DDX5: variants seen among roughly 807,000 people sequenced by gnomAD.
DDX5 encodes DEAD-box helicase 5.
Under a neutral mutation model 68.6 loss-of-function variants are expected in DDX5, and 6 were observed. That is an observed-to-expected ratio of 0.09 (90% CI 0.05 to 0.17). The LOEUF is 0.17. DDX5 is among the 10% of genes least tolerant of loss of function. The probability of loss-of-function intolerance (pLI) is 1.00; values close to 1 mark genes in which losing one functional copy is unlikely to be tolerated. For missense variants in DDX5, 499 were observed against 756.1 expected (o/e 0.66, Z 3.99); for synonymous variants, 350 against 247.0 (o/e 1.42, Z -3.91).
At chr17:64,504,651 T>C in intron 2 of DDX5, 26 bp downstream of exon 2, 2 of 1,584,024 alleles carry the variant, frequency 1.3e-6, no homozygotes, top group African/African-American at 1.4e-5. Context: ...AGTTACAGCC[T>C]GATGAAGCCA....
In DDX5 at chr17:64,499,553, A is replaced by C; in HGVS notation, c.*370T>G. 1 of 235,640 alleles carries C rather than the reference A, an allele frequency of 4.2e-6. No homozygotes were observed. Among genetic ancestry groups the C allele is most frequent in the East Asian group, 6.3e-5 (1 of 15,990 alleles). 14.6% of individuals were successfully genotyped at this position (235,640 alleles called of 1,614,324 possible). ...AAAAAAACCAAACAAAAACAAAAAA[A>C]AAACCAGACCATCTTAAGCAAAGTT... is the stretch of plus-strand genomic sequence containing the variant. On this transcript the variant is annotated 3_prime_UTR_variant, in exon 13 of 13. Coordinates refer to ENST00000225792, the MANE Select transcript of DDX5 (RefSeq NM_004396.5).
intron 1 of DDX5, chr17:64,505,242 C>T (rs2038423708): frequency 3.9e-6 from 1 of 255,216 alleles, no homozygotes; most frequent in Non-Finnish European, 7.6e-6. Context: ...GACGATGTTA[C>T]TCATATGGCC....
At position 64,499,758 on chromosome 17, in the gene DDX5, T is replaced by C. The variant is rs1314881630; in HGVS notation, c.*165A>G. 5 of 573,292 alleles carry C rather than the reference T, an allele frequency of 8.7e-6. No individual in the cohort carries two copies. Among genetic ancestry groups the C allele is most frequent in the Admixed American group, 3.7e-5 (1 of 27,012 alleles). The allele number at this position is 573,292 out of a possible 1,614,324, so 35.5% of individuals were successfully genotyped here. ...AAAAACCTAAAAATTGTTTCAGGAATGTAGAGAAATATCCAACTTAAATAG... is the reference window on the plus strand; with the variant it reads ...AAAAACCTAAAAATTGTTTCAGGAACGTAGAGAAATATCCAACTTAAATAG... On this transcript the variant is annotated 3_prime_UTR_variant, in exon 13 of 13. Transcript: ENST00000225792.
chr17:64,505,990 G>A, intron 1 of DDX5, 86 bp downstream of exon 1: 2 of 1,542,650 alleles, frequency 1.3e-6, no homozygotes, highest in Non-Finnish European at 1.7e-6. Flanking sequence ...CCAAGTCCAA[G>A]CCGCAAAGCC....
rs1424053055 is a variant in DDX5 at position 64,499,184 on chromosome 17, A to G, written c.*739T>C. On this transcript the variant is annotated 3_prime_UTR_variant, in exon 13 of 13. Transcript: ENST00000225792. Reference sequence around the variant, plus strand: ...TTCAGTAATTCACAGTATAGCCAAGAGCATGAGTATAAGTCTCTTGAAAAA... The same window carrying G: ...TTCAGTAATTCACAGTATAGCCAAGGGCATGAGTATAAGTCTCTTGAAAAA... 6.6e-6 allele frequency among the ~76,000 whole-genome samples: 1 copy of G among 152,214 alleles called. No homozygotes were observed. The highest frequency in any genetic ancestry group is 1.5e-5 in the Non-Finnish European group (1 of 68,036).
At chr17:64,501,236 C>T (rs1464136604) in intron 11 of DDX5, 1 of 166,088 alleles carries the variant, frequency 6.0e-6, no homozygotes, top group Non-Finnish European at 1.3e-5. Flanking sequence ...CAAGACCTTA[C>T]AACCGCAGCT....
chr17:64,503,922 T>A (rs1441141741), intron 4 of DDX5, 54 bp from the exon 5 acceptor site: 1 of 1,613,746 alleles, frequency 6.2e-7, no homozygotes, highest in Non-Finnish European at 8.5e-7. Context: ...TACTCGTTTT[T>A]AAATTACCAT....
At chr17:64,501,768 T>C (rs1457023910) in intron 11 of DDX5, 2 of 575,934 alleles carry the variant, frequency 3.5e-6, no homozygotes, top group Non-Finnish European at 6.2e-6. Context: ...CTTTTGAAGA[T>C]TACTGGCACA....
At position 64,506,207 on chromosome 17, in the gene DDX5, C is replaced by T. The variant is rs1411150060; in HGVS notation, c.-88G>A. Reference sequence around the variant, plus strand: ...GAAATGGCCTCGATGACGGCGAAGCCTTGCGGGGGCGGCAGCGGAGGAAGG... The same window carrying T: ...GAAATGGCCTCGATGACGGCGAAGCTTTGCGGGGGCGGCAGCGGAGGAAGG... On this transcript the variant is annotated 5_prime_UTR_variant, in exon 1 of 13. Coordinates refer to ENST00000225792, the MANE Select transcript of DDX5 (RefSeq NM_004396.5). 2 of 1,565,438 alleles carry T rather than the reference C, an allele frequency of 1.3e-6. No individual in the cohort carries two copies. The highest frequency in any genetic ancestry group is 1.3e-5 in the African/African-American group (1 of 74,122).
rs782693624 is a variant in DDX5, at chr17:64,504,266, T to C, written c.263A>G (p.Asn88Ser). 6 of 1,614,058 alleles carry C rather than the reference T, an allele frequency of 3.7e-6. No homozygotes were observed. Among genetic ancestry groups the C allele is most frequent in the East Asian group, 2.2e-5 (1 of 44,892 alleles). Residue 88 changes from asparagine to serine, a missense_variant, in exon 3 of 13, where the codon AAC (asparagine) becomes AGC (serine). Physicochemically the swap from Asn to Ser is conservative, Grantham distance 46. Around this residue, in one of 5 missense-constraint regions of DDX5, gnomAD observed 140 missense variants for 135.7 expected, o/e 1.03. Coordinates refer to ENST00000225792, the MANE Select transcript of DDX5 (RefSeq NM_004396.5). ...AAAATTTAGAACTGGCTTCGGGCAG[T>C]TGTGACCTCTAACTGTAATTTCCTT... ...RSKEITVRGH[N>S]CPKPVLNFYE... is the part of the protein sequence containing the mutation.
chr17:64,500,856 A>G, intron 11 of DDX5, 83 bp from the exon 12 acceptor site: 1 of 997,420 alleles, frequency 1.0e-6, no homozygotes, highest in Non-Finnish European at 1.6e-6. Flanking sequence ...AAAAAGTTAG[A>G]CAATTGTATT....
chr17:64,500,081 G>C lies in DDX5; in HGVS notation c.1687C>G (p.Pro563Ala). Residue 563 changes from proline to alanine, a missense_variant, in exon 13 of 13, where the codon CCA (proline) becomes GCA (alanine). Pro to Ala is a conservative substitution (Grantham distance 27). Around this residue, in one of 5 missense-constraint regions of DDX5, gnomAD observed 171 missense variants for 174.8 expected, o/e 0.98. Coordinates refer to ENST00000225792, the MANE Select transcript of DDX5 (RefSeq NM_004396.5). Reference protein sequence around the residue: ...GIQTSFRTGNPTGTYQNGYDS... With the variant: ...GIQTSFRTGNATGTYQNGYDS... ...TAACCATTCTGGTAAGTCCCTGTTG[G>C]ATTACCAGTCCTAAAACTGGTCTGT... 6.2e-7 allele frequency: 1 copy of C among 1,614,162 alleles called. No homozygotes were observed. The highest frequency in any genetic ancestry group is 1.1e-5 in the South Asian group (1 of 91,082).
intron 2 of DDX5, 58 bp from the exon 3 acceptor site, chr17:64,504,376 G>C (rs991553429): frequency 1.4e-6 from 2 of 1,412,462 alleles, no homozygotes; most frequent in East Asian, 4.6e-5. Flanking sequence ...AGCTAAATAC[G>C]TAATTGATAA....
At chr17:64,500,836 G>C in intron 11 of DDX5, 63 bp from the exon 12 acceptor site, 1 of 1,206,232 alleles carries the variant, frequency 8.3e-7, no homozygotes, top group Non-Finnish European at 1.2e-6. Flanking sequence ...ACAACAGCCA[G>C]ACCAAAAATA....
chr17:64,504,896 T>C lies in DDX5; in HGVS notation c.45-54A>G, dbSNP rs113492176. 85 of 1,531,140 alleles carry C rather than the reference T, an allele frequency of 5.6e-5. No homozygotes were observed. The African/African-American group carries it at 8.5e-4, about 15-fold the overall frequency. The allele number at this position is 1,531,140 out of a possible 1,614,324, so 94.8% of individuals were successfully genotyped here. On this transcript the variant is annotated intron_variant, in intron 1 of 12. Transcript: ENST00000225792. ...TTTCAAATGGCTATACCCAGGTTTCTGTATAGATTTGTCATCCATTGGCAC... is the reference window on the plus strand; with the variant it reads ...TTTCAAATGGCTATACCCAGGTTTCCGTATAGATTTGTCATCCATTGGCAC...
At chr17:64,501,443 C>G (rs1555671075) in intron 11 of DDX5, 1 of 156,068 alleles carries the variant, frequency 6.4e-6, no homozygotes, top group African/African-American at 2.4e-5. Context: ...GAAGTTGCTC[C>G]TGCTCTAGAT....
rs140855073 is a variant in DDX5 at position 64,502,303 on chromosome 17, A to G, written c.1095-80T>C. The G allele has an allele frequency of 1.2e-4, 182 of 1,520,206 alleles. 1 individual carries two copies. The African/African-American group carries it at 2.3e-3, about 19-fold the overall frequency. The allele number at this position is 1,520,206 out of a possible 1,614,324, so 94.2% of individuals were successfully genotyped here. On this transcript the variant is annotated intron_variant, in intron 9 of 12. Coordinates refer to ENST00000225792, the MANE Select transcript of DDX5 (RefSeq NM_004396.5). ...AGTGCTTGACCACTTTTGGTCACAG[A>G]TCTCTTTAATTTCGCCAGAAATGAA... is the stretch of plus-strand genomic sequence containing the variant.
In DDX5 at chr17:64,498,544, A is replaced by T. The variant is rs967013354; in HGVS notation, c.*1379T>A. 4.6e-5 allele frequency among the ~76,000 whole-genome samples: 7 copies of T among 152,238 alleles called. No homozygotes were observed. Among genetic ancestry groups the T allele is most frequent in the Non-Finnish European group, 8.8e-5 (6 of 68,034 alleles). On this transcript the variant is annotated 3_prime_UTR_variant, in exon 13 of 13. Coordinates refer to ENST00000225792, the MANE Select transcript of DDX5 (RefSeq NM_004396.5). ...AAACCATCCAGGTTACTACAGGCTG[A>T]ATTAGTTTTCAATGTCTAAGTCCTA...
rs879966957 is a variant in DDX5 at position 64,498,687 on chromosome 17, CCT to C, written c.*1234_*1235del. Among the ~76,000 whole-genome samples, 10 of 151,400 alleles carry C rather than the reference CCT, an allele frequency of 6.6e-5. No homozygotes were observed. Among genetic ancestry groups the C allele is most frequent in the Non-Finnish European group, 1.2e-4 (8 of 67,982 alleles). The stretch of plus-strand genomic sequence containing the variant: ...GAATTTAAATGAAGTCTCCTGAAGA[CCT>C]CTCTTCTGGCAAAAAAAAACACGTA... On this transcript the variant is annotated 3_prime_UTR_variant, in exon 13 of 13. Transcript: ENST00000225792.
Sources: allele counts gnomAD v4.1 joint callset (sites outside exome capture counted in the v4.1 genomes callset), GRCh38; gene constraint gnomAD v4.1.1; regional missense constraint gnomAD v4.1.1; transcripts MANE v1.5; gene names NCBI Gene and HGNC (gene_info 2026-07-23, HGNC 2026-07-21).